The following GRM5 variants were observed in gnomAD, a reference collection of about 807,000 sequenced individuals.
GRM5 encodes the protein metabotropic glutamate receptor 5.
Under a neutral mutation model 83.1 loss-of-function variants are expected in GRM5, and 19 were observed. The ratio of observed to expected loss-of-function variants is 0.23; its 90% CI spans 0.16 to 0.34. The LOEUF (loss-of-function observed/expected upper bound fraction) is 0.34, where lower values mean the gene tolerates loss of function less well. Among genes scored for constraint, GRM5 ranks in the 10% least tolerant of loss-of-function variants. GRM5 has a pLI of 1.00. For missense variants in GRM5, 1,160 were observed against 1,588.3 expected (o/e 0.73, Z 4.58); for synonymous variants, 675 against 633.6 (o/e 1.07, Z -0.98).
intron 3 of GRM5, among the ~76,000 whole-genome samples, chr11:88,743,439 C>G (rs1316252929): frequency 2.0e-5 from 3 of 152,084 alleles, no homozygotes; most frequent in Admixed American, 1.3e-4. Context: ...TTCCAAACAT[C>G]TAGGACATCC....
chr11:89,031,218 T>C (rs1941254298), intron 2 of GRM5, among the ~76,000 whole-genome samples: 1 of 151,984 alleles, frequency 6.6e-6, no homozygotes, highest in African/African-American at 2.4e-5. Context: ...GTAAGATGAG[T>C]GTTTTTATAC....
intron 3 of GRM5, among the ~76,000 whole-genome samples, chr11:88,768,947 G>C (rs2135447488): frequency 6.6e-6 from 1 of 152,136 alleles, no homozygotes; most frequent in East Asian, 1.9e-4. Flanking sequence ...GTTGTTTTAT[G>C]CTTCCCTTCA....
chr11:88,772,187 T>C (rs1345650157), intron 3 of GRM5, among the ~76,000 whole-genome samples: 2 of 152,068 alleles, frequency 1.3e-5, no homozygotes, highest in Non-Finnish European at 2.9e-5. Flanking sequence ...TTATTATTGC[T>C]CTTAGTTTAA....
chr11:88,719,149 G>T (rs546059931), intron 3 of GRM5, among the ~76,000 whole-genome samples: 2 of 151,744 alleles, frequency 1.3e-5, no homozygotes, highest in Admixed American at 1.3e-4. Flanking sequence ...TTGTTGTATA[G>T]ATTATTTCAT....
intron 3 of GRM5, among the ~76,000 whole-genome samples, chr11:88,738,838 C>A (rs1011163785): frequency 2.8e-4 from 42 of 152,056 alleles, no homozygotes; most frequent in Non-Finnish European, 7.4e-5. Flanking sequence ...TAGCCTTCTA[C>A]AAATACCCAA....
At chr11:88,841,443 G>A (rs1024518880) in intron 3 of GRM5, among the ~76,000 whole-genome samples, 1 of 151,926 alleles carries the variant, frequency 6.6e-6, no homozygotes, top group African/African-American at 2.4e-5. Flanking sequence ...GCTTTTTCTT[G>A]AATAATATTA....
At chr11:89,009,671 C>T (rs1488493372) in intron 2 of GRM5, among the ~76,000 whole-genome samples, 12 of 151,310 alleles carry the variant, frequency 7.9e-5, no homozygotes, top group Middle Eastern at 3.4e-3. Flanking sequence ...CCGAGGCGGG[C>T]GGATCACGAG....
At chr11:88,564,002 G>A (rs1942816404) in intron 8 of GRM5, among the ~76,000 whole-genome samples, 1 of 152,192 alleles carries the variant, frequency 6.6e-6, no homozygotes, top group Non-Finnish European at 1.5e-5. Context: ...TCTAATGACT[G>A]TGGGTTAAAA....
intron 2 of GRM5, among the ~76,000 whole-genome samples, chr11:88,978,474 T>TAAAAAAAAAAAAAAAAAAAAAAAA (rs200343438): frequency 1.0e-5 from 1 of 97,988 alleles, no homozygotes; most frequent in East Asian, 3.0e-4. Flanking sequence ...CAGATGAGCT[T>TAAAAAAAAAAAAAAAAAAAAAAAA]AAAAAAAAAA....
chr11:88,807,403 T>A (rs186302223), intron 3 of GRM5, among the ~76,000 whole-genome samples: 2 of 152,100 alleles, frequency 1.3e-5, no homozygotes, highest in Non-Finnish European at 2.9e-5. Flanking sequence ...TTTATTTTAT[T>A]TTAGAAAGCT....
At chr11:88,911,020 A>C (rs2135609327) in intron 2 of GRM5, among the ~76,000 whole-genome samples, 1 of 152,262 alleles carries the variant, frequency 6.6e-6, no homozygotes, top group African/African-American at 2.4e-5. Context: ...TAAAATAACA[A>C]GCGAATGCGT....
intron 4 of GRM5, among the ~76,000 whole-genome samples, chr11:88,638,961 G>T (rs1178324939): frequency 6.6e-6 from 1 of 151,734 alleles, no homozygotes; most frequent in Non-Finnish European, 1.5e-5. Flanking sequence ...TCTGTCTTCT[G>T]TATCACTGAT....
At chr11:88,887,310 A>G (rs1325635775) in intron 2 of GRM5, among the ~76,000 whole-genome samples, 5 of 152,210 alleles carry the variant, frequency 3.3e-5, no homozygotes, top group Non-Finnish European at 5.9e-5. Flanking sequence ...AACCAGAACC[A>G]TTCTCTAAGG....
chr11:88,667,730 T>G (rs10765690), intron 3 of GRM5, among the ~76,000 whole-genome samples: 1 of 151,778 alleles, frequency 6.6e-6, no homozygotes, highest in Admixed American at 6.6e-5. Flanking sequence ...CGTCTCTACT[T>G]AAAAAACACA....
At chr11:88,572,827 G>C (rs912842321) in intron 7 of GRM5, among the ~76,000 whole-genome samples, 1 of 152,026 alleles carries the variant, frequency 6.6e-6, no homozygotes, top group Non-Finnish European at 1.5e-5. Flanking sequence ...AGTGTATGTA[G>C]AGGTTACCTA....
chr11:89,009,866 A>AC (rs1233569712), intron 2 of GRM5, among the ~76,000 whole-genome samples: 1 of 129,642 alleles, frequency 7.7e-6, no homozygotes, highest in Non-Finnish European at 1.6e-5. Flanking sequence ...GCGCCACTGC[A>AC]CTCCAGCCTG....
At chr11:88,949,783 C>T (rs1230578163) in intron 2 of GRM5, among the ~76,000 whole-genome samples, 1 of 152,026 alleles carries the variant, frequency 6.6e-6, no homozygotes. Flanking sequence ...TATTCAATAC[C>T]CATACTATAC....
chr11:88,722,314 T>C (rs567402423), intron 3 of GRM5, among the ~76,000 whole-genome samples: 1 of 152,212 alleles, frequency 6.6e-6, no homozygotes, highest in African/African-American at 2.4e-5. Context: ...TGGTGTGAAA[T>C]CTGCCTCCAA....
chr11:88,858,201 T>G (rs1944505904), intron 2 of GRM5, among the ~76,000 whole-genome samples: 1 of 152,086 alleles, frequency 6.6e-6, no homozygotes, highest in African/African-American at 2.4e-5. Context: ...TTTGCTTTAG[T>G]TATTACTCTA....
Sources: allele counts gnomAD v4.1 joint callset (sites outside exome capture counted in the v4.1 genomes callset), GRCh38; gene constraint gnomAD v4.1.1; transcripts MANE v1.5; gene names NCBI Gene and HGNC (gene_info 2026-07-23, HGNC 2026-07-21).